Variants in RYR3 observed in about 807,000 individuals in gnomAD.
RYR3 encodes brain ryanodine receptor-calcium release channel.
Under a neutral mutation model 584.3 loss-of-function variants are expected in RYR3, and 207 were observed. The observed-to-expected ratio is 0.35, with a 90% CI of 0.32 to 0.40. The LOEUF is 0.40. Among genes scored for constraint, RYR3 ranks in the 10% least tolerant of loss-of-function variants. The probability of loss-of-function intolerance (pLI) is 1.00; values close to 1 mark genes in which losing one functional copy is unlikely to be tolerated. For synonymous variants in RYR3, 2,416 were observed against 2,248.5 expected (o/e 1.07, Z -2.11); for missense variants, 5,616 against 6,089.2 (o/e 0.92, Z 2.59).
At chr15:33,783,615 C>G (rs1273974836) in intron 65 of RYR3, among the ~76,000 whole-genome samples, 1 of 152,176 alleles carries the variant, frequency 6.6e-6, no homozygotes, top group East Asian at 1.9e-4. Flanking sequence ...TTTAAACAAA[C>G]GCACCTGAGC....
chr15:33,728,278 C>T (rs2068631537), intron 46 of RYR3, among the ~76,000 whole-genome samples: 1 of 152,166 alleles, frequency 6.6e-6, no homozygotes, highest in Admixed American at 6.5e-5. Context: ...GGACATGGCA[C>T]ACCATTAGAT....
chr15:33,612,406 G>A (rs987946904), intron 18 of RYR3, among the ~76,000 whole-genome samples: 1 of 152,188 alleles, frequency 6.6e-6, no homozygotes, highest in African/African-American at 2.4e-5. Context: ...TGTTGCCCAG[G>A]CTGGAGTGCA....
At chr15:33,478,108 TG>T (rs34566920) in intron 2 of RYR3, among the ~76,000 whole-genome samples, 23,024 of 147,626 alleles carry the variant, frequency 0.16, 4,674 homozygotes, top group African/African-American at 0.48. Flanking sequence ...TTGAGGGGGT[TG>T]GGGGGGGTGG....
At chr15:33,406,838 T>C (rs550557574) in intron 1 of RYR3, among the ~76,000 whole-genome samples, 6 of 152,346 alleles carry the variant, frequency 3.9e-5, no homozygotes, top group African/African-American at 1.4e-4. Flanking sequence ...AAAGCAAAGT[T>C]CCTACCTGAA....
intron 3 of RYR3, among the ~76,000 whole-genome samples, chr15:33,529,714 A>C (rs945353195): frequency 6.6e-6 from 1 of 152,188 alleles, no homozygotes; most frequent in Non-Finnish European, 1.5e-5. Flanking sequence ...AGAGATACTT[A>C]GGTGAGAGGT....
intron 3 of RYR3, among the ~76,000 whole-genome samples, chr15:33,528,190 C>T (rs952654106): frequency 4.0e-4 from 61 of 152,192 alleles, no homozygotes; most frequent in African/African-American, 1.3e-3. Flanking sequence ...AAATCTACTC[C>T]AGTATCCTGT....
chr15:33,393,649 T>C (rs373015594), intron 1 of RYR3, among the ~76,000 whole-genome samples: 8 of 152,294 alleles, frequency 5.3e-5, no homozygotes, highest in African/African-American at 1.9e-4. Context: ...TTTGGCAGGA[T>C]TCAGGACTGG....
At chr15:33,723,523 A>C (rs1462953109) in intron 44 of RYR3, among the ~76,000 whole-genome samples, 1 of 152,142 alleles carries the variant, frequency 6.6e-6, no homozygotes, top group Non-Finnish European at 1.5e-5. Flanking sequence ...TTTAGGTTAG[A>C]CCGTAGAATC....
chr15:33,771,188 C>A (rs2073539935), intron 62 of RYR3, among the ~76,000 whole-genome samples: 2 of 152,220 alleles, frequency 1.3e-5, no homozygotes, highest in African/African-American at 4.8e-5. Context: ...TGCTCTTTTC[C>A]TCTAAGAGGT....
chr15:33,425,314 A>G (rs1329477686), intron 1 of RYR3, among the ~76,000 whole-genome samples: 1 of 152,186 alleles, frequency 6.6e-6, no homozygotes, highest in Non-Finnish European at 1.5e-5. Context: ...TAGTTGGAGC[A>G]ATTGTAGTCT....
intron 12 of RYR3, among the ~76,000 whole-genome samples, chr15:33,567,290 G>T (rs1318640895): frequency 6.6e-6 from 1 of 152,162 alleles, no homozygotes; most frequent in Non-Finnish European, 1.5e-5. Context: ...TGTCTGCTTG[G>T]ATCATAATCC....
chr15:33,771,468 AGGTTGCAGTGAG>A (rs2073569009), intron 62 of RYR3, among the ~76,000 whole-genome samples: 1 of 151,600 alleles, frequency 6.6e-6, no homozygotes, highest in Non-Finnish European at 1.5e-5. Context: ...TGGGAGGCAG[AGGTTGCAGTGAG>A]CCGAGATCAC....
intron 65 of RYR3, among the ~76,000 whole-genome samples, chr15:33,781,579 G>T (rs2074381056): frequency 2.0e-5 from 3 of 152,080 alleles, no homozygotes; most frequent in Admixed American, 2.0e-4. Flanking sequence ...GCTAAGCCAT[G>T]GCAGCTTTAT....
At chr15:33,778,470 G>A (rs943616451) in intron 64 of RYR3, among the ~76,000 whole-genome samples, 3 of 152,146 alleles carry the variant, frequency 2.0e-5, no homozygotes, top group Non-Finnish European at 4.4e-5. Flanking sequence ...AGTTGTCACC[G>A]AGGGAATTGG....
At chr15:33,832,219 G>A (rs985433556) in intron 86 of RYR3, among the ~76,000 whole-genome samples, 15 of 150,662 alleles carry the variant, frequency 1.0e-4, no homozygotes, top group Admixed American at 2.7e-4. Context: ...ACTTGAACCC[G>A]GGAGGCAGAG....
intron 40 of RYR3, 66 bp from the exon 41 acceptor site, chr15:33,699,638 G>A: frequency 6.7e-7 from 1 of 1,485,760 alleles, no homozygotes; most frequent in East Asian, 2.3e-5. Context: ...AGACTCTGAG[G>A]TCAGAGTTTT....
intron 67 of RYR3, among the ~76,000 whole-genome samples, chr15:33,794,925 G>A (rs1175894391): frequency 6.6e-6 from 1 of 152,126 alleles, no homozygotes; most frequent in Non-Finnish European, 1.5e-5. Context: ...CTGGTTATTG[G>A]GAAAAGTGGG....
chr15:33,854,473 A>G (rs756291226), intron 97 of RYR3, 24 bp downstream of exon 97: 1 of 1,539,990 alleles, frequency 6.5e-7, no homozygotes, highest in African/African-American at 1.4e-5. Context: ...CTGGAAAAAC[A>G]AAATTCTATA....
intron 84 of RYR3, among the ~76,000 whole-genome samples, 172 bp from the exon 85 acceptor site, chr15:33,827,027 T>C (rs957401950): frequency 1.3e-5 from 2 of 152,048 alleles, no homozygotes; most frequent in Non-Finnish European, 2.9e-5. Context: ...TGTCCGCAGG[T>C]TGGGGGGGTG....
Sources: gnomAD v4.1 joint callset for allele counts (sites outside exome capture counted in the v4.1 genomes callset) on GRCh38, gnomAD v4.1.1 for gene constraint, MANE v1.5 for transcripts, NCBI Gene and HGNC (gene_info 2026-07-23, HGNC 2026-07-21) for gene names.